The following MDM4 variants were observed in gnomAD, a reference collection of about 807,000 sequenced individuals.
The protein encoded by MDM4 is MDM4 regulator of p53, also known as protein Mdm4.
Under a neutral mutation model 60.2 loss-of-function variants are expected in MDM4, and 2 were observed. That is an observed-to-expected ratio of 0.03 (90% confidence interval 0.01 to 0.10). The LOEUF is 0.10. MDM4 is among the 10% of genes least tolerant of loss of function. The pLI, the probability that MDM4 is intolerant of heterozygous loss-of-function variation, is 1.00. For missense variants in MDM4, 447 were observed against 577.5 expected (o/e 0.77, Z 2.32); for synonymous variants, 202 against 198.1 (o/e 1.02, Z -0.17).
Position 204,553,848 on chromosome 1 carries a change from C to G in MDM4, c.*4166C>G. 4.5e-6 allele frequency: 1 copy of G among 220,116 alleles called. No homozygotes were observed. The highest frequency in any genetic ancestry group is 1.4e-3 in the Middle Eastern group (1 of 716). 13.6% of individuals were successfully genotyped at this position (220,116 alleles called of 1,614,324 possible). On this transcript the variant is annotated 3_prime_UTR_variant, in exon 11 of 11. Coordinates refer to ENST00000367182, the MANE Select transcript of MDM4 (RefSeq NM_002393.5). ...TAGACCAGATCTTTAATATGGTATG[C>G]CATTTCCCCAGTCTACCAATGGAAT... is the stretch of plus-strand genomic sequence containing the variant.
intron 3 of MDM4, 88 bp from the exon 4 acceptor site, chr1:204,530,596 G>A (rs1295281706): frequency 6.5e-7 from 1 of 1,530,026 alleles, no homozygotes; most frequent in African/African-American, 1.4e-5. Context: ...TCTTTCTTTA[G>A]CAAACTAACT....
At chr1:204,521,026 G>A (rs1659520345) in intron 1 of MDM4, among the ~76,000 whole-genome samples, 1 of 152,192 alleles carries the variant, frequency 6.6e-6, no homozygotes, top group South Asian at 2.1e-4. Flanking sequence ...GGATGTTAGT[G>A]CTTGTCTGAG....
intron 7 of MDM4, among the ~76,000 whole-genome samples, chr1:204,541,976 A>G (rs535786524): frequency 6.6e-6 from 1 of 152,342 alleles, no homozygotes; most frequent in Non-Finnish European, 1.5e-5. Context: ...GTAGAGCCCA[A>G]CAAAAGACTG....
rs1446791635 is a variant in MDM4 at position 204,538,863 on chromosome 1, G to A, written c.511+555G>A. On this transcript the variant is annotated intron_variant, in intron 7 of 10. Coordinates refer to ENST00000367182, the MANE Select transcript of MDM4 (RefSeq NM_002393.5). ...TGAGATTACAGGTGTGTGCCACCAC[G>A]CCTGGCTTTTTTTTTTTTTTTTTTG... 5.9e-5 allele frequency among the ~76,000 whole-genome samples: 8 copies of A among 136,566 alleles called. No homozygotes were observed. The East Asian group carries it at 9.0e-4, about 15-fold the overall frequency. 89.6% of individuals were successfully genotyped at this position (136,566 alleles called of 152,430 possible).
chr1:204,555,113 G>A lies in MDM4; in HGVS notation c.*5431G>A, dbSNP rs1487295834. ...TGTTTTCCTTCTTACGATCCTCATT[G>A]AATCCCCTCTGGGAGCACAGGACAG... On this transcript the variant is annotated 3_prime_UTR_variant, in exon 11 of 11. Coordinates refer to ENST00000367182, the MANE Select transcript of MDM4 (RefSeq NM_002393.5). 1 of 200,534 alleles carries A rather than the reference G, an allele frequency of 5.0e-6. No individual in the cohort carries two copies. The highest frequency in any genetic ancestry group is 7.6e-5 in the East Asian group (1 of 13,094). 12.4% of individuals were successfully genotyped at this position (200,534 alleles called of 1,614,324 possible).
chr1:204,532,776 T>A, intron 5 of MDM4: 2 of 1,610,386 alleles, frequency 1.2e-6, no homozygotes, highest in Non-Finnish European at 1.7e-6. Context: ...AAGAAATGGG[T>A]CATTTGTTCT....
Position 204,551,175 on chromosome 1 carries a change from T to C in MDM4, c.*1493T>C, listed in dbSNP as rs780089048. 19 of 195,064 alleles carry C rather than the reference T, an allele frequency of 9.7e-5. No homozygotes were observed. The highest frequency in any genetic ancestry group is 1.9e-4 in the Non-Finnish European group (18 of 94,020). 12.1% of individuals were successfully genotyped at this position (195,064 alleles called of 1,614,324 possible). Reference sequence around the variant, plus strand: ...CTCCCACCTAAGCCTCCCAAGTAGCTGGGTCTATAGGCGCGTGCCACCACC... The same window carrying C: ...CTCCCACCTAAGCCTCCCAAGTAGCCGGGTCTATAGGCGCGTGCCACCACC... On this transcript the variant is annotated 3_prime_UTR_variant, in exon 11 of 11. Transcript: ENST00000367182.
At chr1:204,526,552 C>T in intron 3 of MDM4, 118 bp downstream of exon 3, 1 of 699,054 alleles carries the variant, frequency 1.4e-6, no homozygotes. Context: ...CAAGCTCCGC[C>T]TCCTGGGTTC....
chr1:204,530,076 A>T (rs772828648), intron 3 of MDM4, among the ~76,000 whole-genome samples: 2 of 152,094 alleles, frequency 1.3e-5, no homozygotes, highest in Non-Finnish European at 1.5e-5. Context: ...AGGTTTTGCC[A>T]TGTTGCCCAG....
At chr1:204,532,391 T>C (rs1356942399) in intron 5 of MDM4, 145 bp downstream of exon 5, 4 of 614,828 alleles carry the variant, frequency 6.5e-6, no homozygotes, top group Non-Finnish European at 1.2e-5. Context: ...TCACACAGAA[T>C]GTTATGTTAT....
At chr1:204,517,535 C>T (rs1304727157) in intron 1 of MDM4, among the ~76,000 whole-genome samples, 1 of 151,882 alleles carries the variant, frequency 6.6e-6, no homozygotes, top group East Asian at 2.0e-4. Flanking sequence ...TCCCGGGTCG[C>T]TGGGATTACA....
intron 1 of MDM4, among the ~76,000 whole-genome samples, chr1:204,523,269 A>T (rs957197043): frequency 3.4e-5 from 5 of 146,440 alleles, no homozygotes; most frequent in Admixed American, 2.7e-4. Context: ...GGAGATCAAG[A>T]CCATCCTGGC....
intron 5 of MDM4, chr1:204,532,659 G>A: frequency 2.7e-6 from 3 of 1,108,734 alleles, no homozygotes; most frequent in Non-Finnish European, 3.9e-6. Flanking sequence ...TGTCTTACTT[G>A]AATTAGGATC....
chr1:204,529,382 C>A, intron 3 of MDM4: 1 of 1,021,452 alleles, frequency 9.8e-7, no homozygotes, highest in East Asian at 2.4e-5. Context: ...GTCCATGAGG[C>A]CTGGGCTGCT....
chr1:204,529,467 G>A, intron 3 of MDM4: 1 of 1,526,994 alleles, frequency 6.5e-7, no homozygotes, highest in South Asian at 1.2e-5. Context: ...TCCTCCTGGA[G>A]TTCCAGAGGG....
At chr1:204,545,488 C>A (rs979364578) in intron 9 of MDM4, among the ~76,000 whole-genome samples, 1 of 151,976 alleles carries the variant, frequency 6.6e-6, no homozygotes, top group African/African-American at 2.4e-5. Flanking sequence ...TGGTAAACAT[C>A]CATCGGATAA....
At position 204,552,233 on chromosome 1, in the gene MDM4, A is replaced by G. The variant is rs529987514; in HGVS notation, c.*2551A>G. On this transcript the variant is annotated 3_prime_UTR_variant, in exon 11 of 11. Transcript: ENST00000367182. Reference sequence around the variant, plus strand: ...GATTGCGGTGAGCTGAGATTGCGCCATTGCACCCCAGCCTGGGCAACAATA... The same window carrying G: ...GATTGCGGTGAGCTGAGATTGCGCCGTTGCACCCCAGCCTGGGCAACAATA... The G allele has an allele frequency of 4.0e-5, 6 of 151,414 alleles. No individual in the cohort carries two copies. Among genetic ancestry groups the G allele is most frequent in the African/African-American group, 1.5e-4 (6 of 41,270 alleles). 9.4% of individuals were successfully genotyped at this position (151,414 alleles called of 1,614,324 possible).
At chr1:204,526,464 TTTG>T (rs777160763) in intron 3 of MDM4, 30 bp downstream of exon 3, 1 of 1,498,208 alleles carries the variant, frequency 6.7e-7, no homozygotes. Context: ...TCTCATTTTT[TTTG>T]TTTTTTTTTT....
In MDM4 at chr1:204,551,042, T is replaced by TTGTTC. The variant is rs1287757527; in HGVS notation, c.*1364_*1365insCTGTT. On this transcript the variant is annotated 3_prime_UTR_variant, in exon 11 of 11. Coordinates refer to ENST00000367182, the MANE Select transcript of MDM4 (RefSeq NM_002393.5). ...GCCTTCAGAAGCATCAGTTTTTGTT[T>TTGTTC]TGTTTTGTTTTGTTTTTTGAGACAG... 7 of 185,796 alleles carry TTGTTC rather than the reference T, an allele frequency of 3.8e-5. No homozygotes were observed. 11.5% of individuals were successfully genotyped at this position (185,796 alleles called of 1,614,324 possible). A position where few individuals can be genotyped will look rare whatever the true frequency, so the allele number is the denominator to read the frequency against.
Sources: allele counts gnomAD v4.1 joint callset (sites outside exome capture counted in the v4.1 genomes callset), GRCh38; gene constraint gnomAD v4.1.1; transcripts MANE v1.5; gene names NCBI Gene and HGNC (gene_info 2026-07-23, HGNC 2026-07-21).